Variants in FGD3 observed in about 807,000 individuals in gnomAD.
The protein encoded by FGD3 is FYVE, RhoGEF and PH domain-containing protein 3.
Under a neutral mutation model 71.8 loss-of-function variants are expected in FGD3, and 45 were observed. The ratio of observed to expected loss-of-function variants is 0.63; its 90% CI spans 0.49 to 0.80. The LOEUF (loss-of-function observed/expected upper bound fraction) is 0.80. Ranked by LOEUF, FGD3 falls within the 30% of genes least tolerant of loss-of-function variation. The probability of loss-of-function intolerance (pLI) is 0.00; values close to 1 mark genes in which losing one functional copy is unlikely to be tolerated. For missense variants in FGD3, 844 were observed against 951.5 expected, an observed-to-expected ratio of 0.89 and a Z score of 1.49; for synonymous variants, 378 against 392.8, an observed-to-expected ratio of 0.96 and a Z score of 0.44.
chr9:93,024,800 C>T (rs372265604), intron 14 of FGD3, among the ~76,000 whole-genome samples: 28 of 152,350 alleles, frequency 1.8e-4, no homozygotes, highest in East Asian at 1.7e-3. Flanking sequence ...GTCTAACCCC[C>T]GGGTTGGTGC....
intron 3 of FGD3, among the ~76,000 whole-genome samples, chr9:92,992,221 T>C (rs1860441663): frequency 6.6e-6 from 1 of 152,236 alleles, no homozygotes; most frequent in Non-Finnish European, 1.5e-5. Flanking sequence ...TGTATATCCT[T>C]TGTTACTTCT....
At chr9:92,961,034 C>G (rs982805976) in intron 1 of FGD3, among the ~76,000 whole-genome samples, 1 of 152,102 alleles carries the variant, frequency 6.6e-6, no homozygotes, top group Admixed American at 6.5e-5. Flanking sequence ...GGCGGGCACT[C>G]CCCCTGGCTG....
At chr9:93,011,357 G>A (rs1861364506) in intron 8 of FGD3, 85 bp downstream of exon 8, 11 of 1,529,788 alleles carry the variant, frequency 7.2e-6, no homozygotes, top group East Asian at 2.3e-5. Flanking sequence ...CCCCTTTGCC[G>A]CTATCCTTTG....
At chr9:92,994,094 C>A (rs113583537) in intron 3 of FGD3, among the ~76,000 whole-genome samples, 4 of 152,060 alleles carry the variant, frequency 2.6e-5, no homozygotes, top group Non-Finnish European at 4.4e-5. Flanking sequence ...AGTGTAAAAG[C>A]GTTCCTATTT....
At position 93,035,826 on chromosome 9, in the gene FGD3, C is replaced by T. The variant is rs1862579503; in HGVS notation, c.*237C>T. 2 of 540,262 alleles carry T rather than the reference C, an allele frequency of 3.7e-6. No individual in the cohort carries two copies. The highest frequency in any genetic ancestry group is 4.8e-4 in the Middle Eastern group (1 of 2,080). 33.5% of individuals were successfully genotyped at this position (540,262 alleles called of 1,614,324 possible). The stretch of plus-strand genomic sequence containing the variant: ...TGGCCTCCAGCCCCAGCAGTGTGGC[C>T]CAGAGCAGGGGCCGACTGCCAAAGT... On this transcript the variant is annotated 3_prime_UTR_variant, in exon 18 of 18. Transcript: ENST00000375482.
At chr9:92,967,390 C>T (rs1859370671) in intron 1 of FGD3, among the ~76,000 whole-genome samples, 1 of 152,212 alleles carries the variant, frequency 6.6e-6, no homozygotes. Flanking sequence ...CTGTTAAACC[C>T]TCTCCATTCC....
chr9:93,013,542 A>T (rs940557714), intron 8 of FGD3, among the ~76,000 whole-genome samples: 5 of 152,230 alleles, frequency 3.3e-5, no homozygotes, highest in Non-Finnish European at 7.3e-5. Flanking sequence ...CCTTGTCTGT[A>T]AAATGAAGAT....
At chr9:93,031,105 T>G (rs1202047940) in intron 15 of FGD3, among the ~76,000 whole-genome samples, 1 of 151,502 alleles carries the variant, frequency 6.6e-6, no homozygotes, top group African/African-American at 2.4e-5. Flanking sequence ...GGATGATGGA[T>G]GGATGGATGA....
chr9:92,964,685 C>T (rs763342975), intron 1 of FGD3, among the ~76,000 whole-genome samples: 2 of 152,170 alleles, frequency 1.3e-5, no homozygotes, highest in African/African-American at 2.4e-5. Flanking sequence ...CGGTGCCTGC[C>T]CGTGTCCCCA....
At chr9:92,970,439 G>C (rs373318310) in intron 1 of FGD3, among the ~76,000 whole-genome samples, 1 of 152,332 alleles carries the variant, frequency 6.6e-6, no homozygotes, top group African/African-American at 2.4e-5. Flanking sequence ...ACAAAAGAGA[G>C]GCTCAAGTGT....
rs760655661 is a variant in FGD3 at position 93,033,015 on chromosome 9, G to A, written c.1785+142G>A. ...ATAGATGTGGGTGTGTCTCAGTGGG[G>A]CCCCCAGGCTGGGAACACACTCGGA... On this transcript the variant is annotated intron_variant, in intron 16 of 17. Transcript: ENST00000375482. 87 of 838,028 alleles carry A rather than the reference G, an allele frequency of 1.0e-4. No individual in the cohort carries two copies. In the South Asian group the frequency reaches 1.2e-3, roughly 11 times the overall value. 51.9% of individuals were successfully genotyped at this position (838,028 alleles called of 1,614,324 possible).
At chr9:93,017,762 G>T (rs1236472333) in intron 10 of FGD3, among the ~76,000 whole-genome samples, 1 of 152,218 alleles carries the variant, frequency 6.6e-6, no homozygotes, top group Non-Finnish European at 1.5e-5. Context: ...GGACGTGGCT[G>T]CTGTGGCGGG....
intron 3 of FGD3, among the ~76,000 whole-genome samples, chr9:93,002,043 G>A (rs1300567738): frequency 1.3e-5 from 2 of 152,170 alleles, no homozygotes; most frequent in Admixed American, 6.5e-5. Flanking sequence ...TCAGAAGTGT[G>A]AGAAATAAAC....
chr9:93,003,946 A>G lies in FGD3; in HGVS notation c.544-55A>G. ...TCACCTGTGGCCGAAGCGGGGCGGC[A>G]ACTGTGCTCAGTGGAAGAGGCTCAC... is the stretch of plus-strand genomic sequence containing the variant. On this transcript the variant is annotated intron_variant, in intron 4 of 17. Coordinates refer to ENST00000375482, the MANE Select transcript of FGD3 (RefSeq NM_001083536.2). The surrounding 1 kb of genome is among the most constrained non-coding windows in gnomAD (Gnocchi z 4.1). 2 of 1,601,084 alleles carry G rather than the reference A, an allele frequency of 1.2e-6. No individual in the cohort carries two copies. The highest frequency in any genetic ancestry group is 1.7e-5 in the Admixed American group (1 of 59,744).
At chr9:93,034,763 C>A in intron 17 of FGD3, 82 bp downstream of exon 17, 1 of 1,459,638 alleles carries the variant, frequency 6.9e-7, no homozygotes, top group Non-Finnish European at 9.2e-7. Context: ...GCCTGTGCCA[C>A]CAGCTGGGGT....
Position 92,969,566 on chromosome 9 carries a change from GGGGGCCA to G in FGD3, c.-217-5671_-217-5665del. 6.6e-6 allele frequency among the ~76,000 whole-genome samples: 1 copy of G among 152,276 alleles called. No individual in the cohort carries two copies. The highest frequency in any genetic ancestry group is 1.5e-5 in the Non-Finnish European group (1 of 68,016). On this transcript the variant is annotated intron_variant, in intron 1 of 17. Transcript: ENST00000375482. This position sits in a 1 kb window ranked among gnomAD's most constrained non-coding sequence, Gnocchi z 4.5. ...ATTGTTATGGAGCCTCCTGTGTGCC[GGGGGCCA>G]CTGGGCCACTCCAGCGACAGGACAA...
chr9:93,035,165 GTCC>G (rs1260836684), intron 17 of FGD3, among the ~76,000 whole-genome samples, 170 bp from the exon 18 acceptor site: 2 of 152,176 alleles, frequency 1.3e-5, no homozygotes, highest in African/African-American at 2.4e-5. Flanking sequence ...CCCACCGACC[GTCC>G]TCCTGTTGAC....
At chr9:93,019,662 C>G (rs1861837092) in intron 11 of FGD3, among the ~76,000 whole-genome samples, 169 bp from the exon 12 acceptor site, 1 of 152,210 alleles carries the variant, frequency 6.6e-6, no homozygotes, top group Non-Finnish European at 1.5e-5. Context: ...GCTCACCTGG[C>G]CCCACCAGGC....
At chr9:92,998,797 G>C (rs955992892) in intron 3 of FGD3, among the ~76,000 whole-genome samples, 1 of 152,180 alleles carries the variant, frequency 6.6e-6, no homozygotes, top group African/African-American at 2.4e-5. Flanking sequence ...AAATATTGCA[G>C]AACAGCAAAT....
Sources: gnomAD v4.1 joint callset for allele counts (sites outside exome capture counted in the v4.1 genomes callset) on GRCh38, gnomAD v4.1.1 for gene constraint, Gnocchi (gnomAD v3.1) non-coding constraint, MANE v1.5 for transcripts, NCBI Gene and HGNC (gene_info 2026-07-23, HGNC 2026-07-21) for gene names.